Variants in TNKS observed in about 807,000 individuals in gnomAD.
TNKS encodes tankyrase.
A neutral mutation model predicts 135.8 loss-of-function variants in TNKS; 72 were observed. That is an observed-to-expected ratio of 0.53 (90% CI 0.44 to 0.64). The LOEUF (loss-of-function observed/expected upper bound fraction) is 0.64, where lower values mean the gene tolerates loss of function less well. Among genes scored for constraint, TNKS ranks in the 30% least tolerant of loss-of-function variants. The pLI, the probability that TNKS is intolerant of heterozygous loss-of-function variation, is 0.00. For missense variants in TNKS, 1,769 were observed against 1,674.0 expected (o/e 1.06, Z -0.99); for synonymous variants, 849 against 649.3 (o/e 1.31, Z -4.68).
At chr8:9,705,679 C>T (rs1194496351) in intron 6 of TNKS, among the ~76,000 whole-genome samples, 2 of 152,164 alleles carry the variant, frequency 1.3e-5, no homozygotes, top group African/African-American at 4.8e-5. Flanking sequence ...ATCTCTATTT[C>T]CTTGTGCATG....
At chr8:9,591,906 T>G (rs1798603420) in intron 2 of TNKS, among the ~76,000 whole-genome samples, 1 of 152,206 alleles carries the variant, frequency 6.6e-6, no homozygotes, top group African/African-American at 2.4e-5. Flanking sequence ...ACTGTGGAAA[T>G]TCAGGAAAGC....
intron 3 of TNKS, among the ~76,000 whole-genome samples, chr8:9,638,286 A>G (rs975606657): frequency 3.3e-5 from 5 of 152,140 alleles, no homozygotes; most frequent in Admixed American, 1.3e-4. Context: ...AAATTCTTAT[A>G]TTTCCCTGTG....
intron 3 of TNKS, among the ~76,000 whole-genome samples, chr8:9,651,047 TA>T (rs1461383841): frequency 9.4e-5 from 1 of 10,612 alleles, no homozygotes. Context: ...TTGCCAATTA[TA>T]CCAACACCAT....
chr8:9,620,011 G>A (rs1416214975), intron 3 of TNKS, among the ~76,000 whole-genome samples: 2 of 151,202 alleles, frequency 1.3e-5, no homozygotes, highest in Admixed American at 6.6e-5. Flanking sequence ...GTGCAGTGGC[G>A]CTATCTTGGC....
In TNKS at chr8:9,706,855, A is replaced by G. The variant is rs777894530; in HGVS notation, c.1314A>G (p.Pro438=). 1 of 1,613,706 alleles carries G rather than the reference A, an allele frequency of 6.2e-7. No homozygotes were observed. Among genetic ancestry groups the G allele is most frequent in the Non-Finnish European group, 8.5e-7 (1 of 1,179,868 alleles). ...CCATGGATCTCTGGCAGTTTACTCC[A>G]CTGCACGAGGCTGCTTCCAAGAACC... The part of the protein sequence containing the change: ...VNAMDLWQFT[P]LHEAASKNRV... Residue 438 remains proline (P), a synonymous_variant, in exon 8 of 27, where the codon CCA becomes CCG. Transcript: ENST00000310430.
intron 2 of TNKS, among the ~76,000 whole-genome samples, chr8:9,582,561 GC>G (rs913778523): frequency 2.3e-4 from 35 of 152,320 alleles, no homozygotes; most frequent in African/African-American, 7.2e-4. Context: ...TTGCTGTAGA[GC>G]ACATGCTCCA....
chr8:9,721,849 C>G (rs760924910), intron 12 of TNKS, among the ~76,000 whole-genome samples: 39 of 150,142 alleles, frequency 2.6e-4, no homozygotes, highest in Admixed American at 1.2e-3. Flanking sequence ...GTCAGGAGTT[C>G]CAGACCACCT....
intron 2 of TNKS, among the ~76,000 whole-genome samples, chr8:9,598,805 AT>A (rs1798906158): frequency 1.0e-5 from 1 of 99,394 alleles, no homozygotes. Context: ...ATATATATAT[AT>A]ATATATATAT....
chr8:9,723,797 A>C (rs908120525), intron 12 of TNKS, among the ~76,000 whole-genome samples: 3 of 152,206 alleles, frequency 2.0e-5, no homozygotes, highest in Non-Finnish European at 4.4e-5. Context: ...TATTTCTAGC[A>C]CCACAGACAG....
chr8:9,687,344 C>T (rs1803049697), intron 5 of TNKS, among the ~76,000 whole-genome samples: 1 of 152,180 alleles, frequency 6.6e-6, no homozygotes, highest in African/African-American at 2.4e-5. Context: ...CGGAGTACGT[C>T]TTGCTGAGCA....
intron 23 of TNKS, among the ~76,000 whole-genome samples, chr8:9,765,129 AAAG>A (rs1807356987): frequency 1.3e-5 from 2 of 152,218 alleles, no homozygotes; most frequent in South Asian, 4.1e-4. Flanking sequence ...GAGTTGCATC[AAAG>A]TCCTGGATCT....
At chr8:9,611,266 A>G (rs1027302072) in intron 2 of TNKS, among the ~76,000 whole-genome samples, 1 of 152,228 alleles carries the variant, frequency 6.6e-6, no homozygotes, top group African/African-American at 2.4e-5. Context: ...GGTTAAAGAT[A>G]GTATAGGGGG....
Position 9,751,756 on chromosome 8 carries a change from A to C in TNKS, c.2980A>C (p.Asn994His), listed in dbSNP as rs1329470364. The change falls in exon 19 of 27, where the codon AAC (asparagine) becomes CAC (histidine). Residue 994 changes from asparagine to histidine, a missense_variant. This residue lies in a region of TNKS where 722 missense variants were observed against 688.9 expected (regional missense o/e 1.05). Coordinates refer to ENST00000310430, the MANE Select transcript of TNKS (RefSeq NM_003747.3). ...SCLSAASSID[N>H]LTGPLAELAV... ...CCTCTCGGCTGCCAGCAGCATAGAC[A>C]ACCTCACTGGCCCTTTAGCAGAGTT... 2 of 1,614,200 alleles carry C rather than the reference A, an allele frequency of 1.2e-6. No homozygotes were observed. The highest frequency in any genetic ancestry group is 1.1e-5 in the South Asian group (1 of 91,086).
At chr8:9,646,361 A>T (rs1585271849) in intron 3 of TNKS, among the ~76,000 whole-genome samples, 1 of 152,142 alleles carries the variant, frequency 6.6e-6, no homozygotes, top group African/African-American at 2.4e-5. Flanking sequence ...TCACCTTTTT[A>T]AATTCGACCT....
At chr8:9,567,446 C>T (rs905706083) in intron 1 of TNKS, among the ~76,000 whole-genome samples, 6 of 152,076 alleles carry the variant, frequency 3.9e-5, no homozygotes, top group African/African-American at 9.7e-5. Context: ...GACGGAGTCT[C>T]GCTCTGTCGC....
At position 9,615,701 on chromosome 8, in the gene TNKS, A is replaced by G. The variant is rs766048436; in HGVS notation, c.994+24A>G. 5 of 1,564,910 alleles carry G rather than the reference A, an allele frequency of 3.2e-6. No individual in the cohort carries two copies. The East Asian group carries it at 9.1e-5, about 29-fold the overall frequency. ...AGGTAAGAAGACAGAGAGCTACCGA[A>G]TGATTATATCTGTGTAACTCCTTAC... is the stretch of plus-strand genomic sequence containing the variant. On this transcript the variant is annotated intron_variant, in intron 3 of 26. Transcript: ENST00000310430.
In TNKS at chr8:9,646,499, A is replaced by G. The variant is rs374192630; in HGVS notation, c.994+30822A>G. On this transcript the variant is annotated intron_variant, in intron 3 of 26. Transcript: ENST00000310430. ...ATTTGAGATTTTCTCATTTTTATAC[A>G]GAGAAGTTTCTAATTTTTTTGAAGT... Among the ~76,000 whole-genome samples, 4 of 152,256 alleles carry G rather than the reference A, an allele frequency of 2.6e-5. No homozygotes were observed. In the East Asian group the frequency reaches 5.8e-4, roughly 22 times the overall value.
chr8:9,577,804 C>G (rs1281814167), intron 1 of TNKS, among the ~76,000 whole-genome samples: 2 of 152,144 alleles, frequency 1.3e-5, no homozygotes, highest in African/African-American at 2.4e-5. Flanking sequence ...TCCCGATAGT[C>G]CCCAATAGTC....
intron 1 of TNKS, among the ~76,000 whole-genome samples, chr8:9,559,133 C>G (rs1350849331): frequency 2.0e-5 from 3 of 152,086 alleles, no homozygotes; most frequent in Non-Finnish European, 2.9e-5. Context: ...GCCCTTAACC[C>G]TTATGGAGCT....
Sources: gnomAD v4.1 joint callset for allele counts (sites outside exome capture counted in the v4.1 genomes callset) on GRCh38, gnomAD v4.1.1 for gene constraint, gnomAD v4.1.1 regional missense constraint, MANE v1.5 for transcripts, NCBI Gene and HGNC (gene_info 2026-07-23, HGNC 2026-07-21) for gene names.